CHCHD3: variants seen among roughly 807,000 people sequenced by gnomAD.
CHCHD3 encodes MICOS complex subunit MIC19.
Under a neutral mutation model 38.2 loss-of-function variants are expected in CHCHD3, and 20 were observed. The ratio of observed to expected loss-of-function variants is 0.52; its 90% CI spans 0.37 to 0.76. The LOEUF (loss-of-function observed/expected upper bound fraction) is 0.76. Among genes scored for constraint, CHCHD3 ranks in the 30% least tolerant of loss-of-function variants. The pLI, the probability that CHCHD3 is intolerant of heterozygous loss-of-function variation, is 0.00. For missense variants in CHCHD3, 245 were observed against 279.2 expected, an observed-to-expected ratio of 0.88 and a Z score of 0.87; for synonymous variants, 82 against 100.0, an observed-to-expected ratio of 0.82 and a Z score of 1.07.
At chr7:132,979,157 C>A (rs1811849413) in intron 3 of CHCHD3, among the ~76,000 whole-genome samples, 1 of 152,070 alleles carries the variant, frequency 6.6e-6, no homozygotes. Context: ...AAAGTCTATA[C>A]CTTAAACATA....
chr7:132,997,688 A>AC (rs1554399141), intron 3 of CHCHD3, among the ~76,000 whole-genome samples: 302 of 147,706 alleles, frequency 2.0e-3, no homozygotes, highest in Non-Finnish European at 3.6e-3. Flanking sequence ...AAAAAAAAAA[A>AC]CAGCAAGAGA....
chr7:132,954,593 G>A (rs1034232694), intron 4 of CHCHD3, among the ~76,000 whole-genome samples: 2 of 152,096 alleles, frequency 1.3e-5, no homozygotes, highest in East Asian at 1.9e-4. Context: ...AACCTGGGCT[G>A]TCTTCAGCAT....
chr7:133,041,963 G>C (rs1452806762), intron 2 of CHCHD3, among the ~76,000 whole-genome samples: 2 of 152,210 alleles, frequency 1.3e-5, no homozygotes, highest in Non-Finnish European at 2.9e-5. Flanking sequence ...CAGGTCTAAA[G>C]CAGTCTGCCT....
chr7:132,790,033 G>T (rs1362808069), intron 7 of CHCHD3, among the ~76,000 whole-genome samples: 1 of 152,138 alleles, frequency 6.6e-6, no homozygotes, highest in Non-Finnish European at 1.5e-5. Flanking sequence ...AGCGAGTTTT[G>T]CCTGTGCACC....
chr7:132,881,074 A>G (rs1259416025), intron 5 of CHCHD3, among the ~76,000 whole-genome samples: 2 of 152,220 alleles, frequency 1.3e-5, no homozygotes, highest in Non-Finnish European at 2.9e-5. Context: ...TGAGTATGAA[A>G]TAAGGACTTA....
intron 7 of CHCHD3, among the ~76,000 whole-genome samples, chr7:132,795,783 G>C (rs1251750148): frequency 6.6e-6 from 1 of 152,154 alleles, no homozygotes; most frequent in African/African-American, 2.4e-5. Context: ...TGACCTGCCA[G>C]AATTGATAAT....
intron 7 of CHCHD3, among the ~76,000 whole-genome samples, chr7:132,796,231 A>G (rs1806608309): frequency 6.6e-6 from 1 of 152,218 alleles, no homozygotes; most frequent in South Asian, 2.1e-4. Flanking sequence ...CTGCAAGTAA[A>G]TGAGTTGTAC....
At chr7:132,802,189 A>T (rs1806810091) in intron 6 of CHCHD3, among the ~76,000 whole-genome samples, 1 of 152,120 alleles carries the variant, frequency 6.6e-6, no homozygotes, top group East Asian at 1.9e-4. Context: ...GGTCCTTGGA[A>T]ATGATGGGGG....
intron 6 of CHCHD3, among the ~76,000 whole-genome samples, chr7:132,817,891 C>CAA (rs3076183): frequency 0.24 from 31,947 of 135,872 alleles, 4,175 homozygotes; most frequent in East Asian, 0.4. Context: ...GACCCTGTCT[C>CAA]AAAAAAAAAA....
intron 3 of CHCHD3, among the ~76,000 whole-genome samples, chr7:133,009,537 C>CAA (rs34957591): frequency 5.9e-4 from 80 of 136,052 alleles, no homozygotes; most frequent in Admixed American, 1.8e-3. Flanking sequence ...CAGGTTACGA[C>CAA]AAAAAAAAAA....
intron 7 of CHCHD3, among the ~76,000 whole-genome samples, chr7:132,789,268 T>G (rs1396120706): frequency 6.6e-6 from 1 of 152,248 alleles, no homozygotes; most frequent in Non-Finnish European, 1.5e-5. Flanking sequence ...TTTAAGGAAC[T>G]GCTAACACTT....
intron 3 of CHCHD3, among the ~76,000 whole-genome samples, chr7:132,978,910 G>T (rs967051222): frequency 1.3e-5 from 2 of 152,120 alleles, no homozygotes; most frequent in African/African-American, 4.8e-5. Flanking sequence ...ATTCTCAAAT[G>T]TTTTTAAAGG....
chr7:132,904,284 CT>C (rs1809742109), intron 4 of CHCHD3, among the ~76,000 whole-genome samples: 1 of 150,710 alleles, frequency 6.6e-6, no homozygotes, highest in Admixed American at 6.6e-5. Context: ...AAACCCACAA[CT>C]TTTTTTTACA....
intron 4 of CHCHD3, among the ~76,000 whole-genome samples, chr7:132,915,431 C>T (rs893965192): frequency 1.3e-5 from 2 of 152,148 alleles, no homozygotes; most frequent in African/African-American, 4.8e-5. Context: ...TCCCTCTGGT[C>T]TTTCCTTTTG....
intron 6 of CHCHD3, among the ~76,000 whole-genome samples, chr7:132,824,357 C>T (rs907077468): frequency 1.6e-5 from 2 of 128,788 alleles, no homozygotes; most frequent in Non-Finnish European, 3.1e-5. Context: ...CTCGCTCTGT[C>T]GCTCAGGCTG....
intron 4 of CHCHD3, among the ~76,000 whole-genome samples, chr7:132,952,256 A>T (rs537288841): frequency 6.6e-6 from 1 of 152,304 alleles, no homozygotes; most frequent in Non-Finnish European, 1.5e-5. Flanking sequence ...GGTGTATTTT[A>T]AAAATACACA....
intron 3 of CHCHD3, among the ~76,000 whole-genome samples, chr7:132,985,218 C>T (rs1584621373): frequency 1.2e-5 from 1 of 82,800 alleles, no homozygotes; most frequent in Non-Finnish European, 2.5e-5. Flanking sequence ...TAGCCCCCCG[C>T]CCGGCCAGCC....
At chr7:133,051,286 T>C (rs989587752) in intron 2 of CHCHD3, among the ~76,000 whole-genome samples, 1 of 152,208 alleles carries the variant, frequency 6.6e-6, no homozygotes, top group Non-Finnish European at 1.5e-5. Context: ...ATCTCCATTA[T>C]AACATGTTTC....
chr7:133,042,819 A>C (rs993082110), intron 2 of CHCHD3, among the ~76,000 whole-genome samples: 1 of 152,220 alleles, frequency 6.6e-6, no homozygotes, highest in Non-Finnish European at 1.5e-5. Flanking sequence ...TAAATAATGA[A>C]TATTATTAAT....
Sources: allele counts gnomAD v4.1 joint callset (sites outside exome capture counted in the v4.1 genomes callset), GRCh38; gene constraint gnomAD v4.1.1; transcripts MANE v1.5; gene names NCBI Gene and HGNC (gene_info 2026-07-23, HGNC 2026-07-21).